The following BBS12 variants were observed in gnomAD, a reference collection of about 807,000 sequenced individuals.
BBS12 encodes the protein chaperonin-containing T-complex member BBS12.
A neutral mutation model predicts 5.6 loss-of-function variants in BBS12; 5 were observed. The ratio of observed to expected loss-of-function variants is 0.89; its 90% CI spans 0.46 to 1.86. The LOEUF is 1.86. Ranked by LOEUF, BBS12 falls within the 40% of genes most tolerant of loss-of-function variation. The probability of loss-of-function intolerance (pLI) is 0.01; values close to 1 mark genes in which losing one functional copy is unlikely to be tolerated. For synonymous variants in BBS12, 308 were observed against 306.8 expected (o/e 1.00, Z -0.04); for missense variants, 748 against 830.4 (o/e 0.90, Z 1.22).
the BBS12 span, among the ~76,000 whole-genome samples, chr4:122,727,229 C>A: frequency 6.6e-6 from 1 of 152,122 alleles, no homozygotes; most frequent in Non-Finnish European, 1.5e-5. Flanking sequence ...AATGCTCTTA[C>A]AAACCAGTGA....
chr4:122,734,666 C>G (rs1206413852), intron 1 of BBS12, among the ~76,000 whole-genome samples: 3 of 152,134 alleles, frequency 2.0e-5, no homozygotes. Flanking sequence ...TCGAGGATCT[C>G]TTGGATCATG....
chr4:122,744,849 G>A lies in BBS12; in HGVS notation c.*824G>A, dbSNP rs1285047475. ...ACTCAATCAACTCTAAGTTCCAAGGGAGGACCAATAGGTCTTTTTATTAGG... is the reference window on the plus strand; with the variant it reads ...ACTCAATCAACTCTAAGTTCCAAGGAAGGACCAATAGGTCTTTTTATTAGG... On this transcript the variant is annotated 3_prime_UTR_variant, in exon 2 of 2. Transcript: ENST00000314218. 1 of 167,048 alleles carries A rather than the reference G, an allele frequency of 6.0e-6. No individual in the cohort carries two copies. The highest frequency in any genetic ancestry group is 1.5e-5 in the Non-Finnish European group (1 of 68,120). The allele number at this position is 167,048 out of a possible 1,614,324, so 10.3% of individuals were successfully genotyped here. A position where few individuals can be genotyped will look rare whatever the true frequency, so the allele number is the denominator to read the frequency against.
chr4:122,739,107 C>T (rs1443930510), intron 1 of BBS12, among the ~76,000 whole-genome samples: 3 of 152,190 alleles, frequency 2.0e-5, no homozygotes, highest in Non-Finnish European at 2.9e-5. Flanking sequence ...CAACTAGAAG[C>T]TGGAGGAAGC....
chr4:122,726,343 A>T, the BBS12 span, among the ~76,000 whole-genome samples: 1 of 152,244 alleles, frequency 6.6e-6, no homozygotes, highest in Non-Finnish European at 1.5e-5. Context: ...GCTAATGATC[A>T]GGGAAATGCA....
upstream of BBS12, among the ~76,000 whole-genome samples, chr4:122,728,006 A>G (rs537488929): frequency 6.6e-6 from 1 of 152,340 alleles, no homozygotes; most frequent in Non-Finnish European, 1.5e-5. Context: ...AACTTGCCAG[A>G]CTGACAGAAA....
chr4:122,702,279 T>A, the BBS12 span, among the ~76,000 whole-genome samples: 7 of 152,184 alleles, frequency 4.6e-5, no homozygotes, highest in Non-Finnish European at 7.3e-5. Flanking sequence ...CTTGCTCTGT[T>A]ATCCAGACTG....
At chr4:122,741,510 A>G (rs1800872256) in intron 1 of BBS12, among the ~76,000 whole-genome samples, 1 of 152,174 alleles carries the variant, frequency 6.6e-6, no homozygotes. Flanking sequence ...TTATATTCTC[A>G]TAAAACCAGG....
rs148850607 is a variant in BBS12, at chr4:122,743,359, A to G, written c.1467A>G (p.Ala489=). The G allele has an allele frequency of 9.9e-6, 16 of 1,614,104 alleles. No homozygotes were observed. In the African/African-American group the frequency reaches 2.1e-4, roughly 22 times the overall value. Residue 489 remains alanine (A), a synonymous_variant, in exon 2 of 2, where the codon GCA becomes GCG. Transcript: ENST00000314218. ...TTGTAGATAGGAACAACAGAATCGC[A>G]ATCTTATTAAAAACAGAAGGAATTA... is the stretch of plus-strand genomic sequence containing the variant. ...LDVVDRNNRI[A]ILLKTEGINL... is the part of the protein sequence containing the mutation.
At chr4:122,727,543 A>ATTT in the BBS12 span, among the ~76,000 whole-genome samples, 1 of 88,434 alleles carries the variant, frequency 1.1e-5, no homozygotes, top group African/African-American at 6.0e-5. Flanking sequence ...GCCCCTGGCC[A>ATTT]ATTTTTTTTT....
chr4:122,705,393 G>T, the BBS12 span, among the ~76,000 whole-genome samples: 1 of 152,156 alleles, frequency 6.6e-6, no homozygotes, highest in South Asian at 2.1e-4. Flanking sequence ...GATTATTTGA[G>T]CCTAGGAGTT....
chr4:122,717,607 G>A, the BBS12 span, among the ~76,000 whole-genome samples: 1 of 152,148 alleles, frequency 6.6e-6, no homozygotes, highest in Non-Finnish European at 1.5e-5. Flanking sequence ...ACGGCTCACT[G>A]TAACCTCGAC....
the BBS12 span, among the ~76,000 whole-genome samples, chr4:122,704,196 A>C: frequency 6.6e-6 from 1 of 152,180 alleles, no homozygotes; most frequent in South Asian, 2.1e-4. Flanking sequence ...TGCCTTTGCA[A>C]AGCATGCCAC....
chr4:122,723,700 T>A, the BBS12 span, among the ~76,000 whole-genome samples: 4 of 152,178 alleles, frequency 2.6e-5, no homozygotes, highest in African/African-American at 9.7e-5. Context: ...GCAACTAAAA[T>A]ATAAATCAGA....
chr4:122,718,735 A>AAATGAAAT, the BBS12 span, among the ~76,000 whole-genome samples: 1 of 151,988 alleles, frequency 6.6e-6, no homozygotes, highest in Non-Finnish European at 1.5e-5. Context: ...AAATGAAATG[A>AAATGAAAT]AATGAAATGA....
At chr4:122,726,883 C>T in the BBS12 span, among the ~76,000 whole-genome samples, 2 of 152,240 alleles carry the variant, frequency 1.3e-5, no homozygotes, top group Non-Finnish European at 2.9e-5. Flanking sequence ...TGTTCTCACT[C>T]ATAAGTGGGA....
At chr4:122,717,600 G>T in the BBS12 span, among the ~76,000 whole-genome samples, 2 of 152,106 alleles carry the variant, frequency 1.3e-5, no homozygotes, top group Non-Finnish European at 2.9e-5. Flanking sequence ...CGTGATCACG[G>T]CTCACTGTAA....
the BBS12 span, among the ~76,000 whole-genome samples, chr4:122,723,767 G>A: frequency 5.3e-5 from 8 of 152,314 alleles, no homozygotes; most frequent in South Asian, 1.2e-3. Flanking sequence ...TTGAGTGGCA[G>A]GTTCAGGGTG....
chr4:122,722,353 A>T, the BBS12 span, among the ~76,000 whole-genome samples: 1 of 152,228 alleles, frequency 6.6e-6, no homozygotes, highest in Non-Finnish European at 1.5e-5. Flanking sequence ...CAGGCAAGCT[A>T]GTCCTCTTAC....
chr4:122,701,802 A>G, the BBS12 span, among the ~76,000 whole-genome samples: 25 of 152,226 alleles, frequency 1.6e-4, no homozygotes, highest in Non-Finnish European at 3.1e-4. Context: ...CTGAACTGCA[A>G]CTAGGACCCC....
Sources: allele counts gnomAD v4.1 joint callset (sites outside exome capture counted in the v4.1 genomes callset), GRCh38; gene constraint gnomAD v4.1.1; transcripts MANE v1.5; gene names NCBI Gene and HGNC (gene_info 2026-07-23, HGNC 2026-07-21).